Variants in PCCA observed in about 807,000 individuals in gnomAD.
PCCA encodes the protein propionyl-CoA carboxylase subunit alpha, also known as propionyl-CoA carboxylase alpha chain, mitochondrial.
A neutral mutation model predicts 101.3 loss-of-function variants in PCCA; 74 were observed. The ratio of observed to expected loss-of-function variants is 0.73; its 90% CI spans 0.61 to 0.89. The LOEUF (loss-of-function observed/expected upper bound fraction) is 0.89. Among genes scored for constraint, PCCA ranks in the 40% least tolerant of loss-of-function variants. The pLI is 0.00. For synonymous variants in PCCA, 294 were observed against 313.6 expected (o/e 0.94, Z 0.66); for missense variants, 891 against 907.0 (o/e 0.98, Z 0.23).
chr13:100,146,596 ATAGT>A (rs1594358810), intron 4 of PCCA, among the ~76,000 whole-genome samples: 1 of 152,000 alleles, frequency 6.6e-6, no homozygotes, highest in Non-Finnish European at 1.5e-5. Context: ...AAAATGGTTA[ATAGT>A]TAGAAGAAAT....
intron 19 of PCCA, among the ~76,000 whole-genome samples, chr13:100,396,222 G>T (rs1364065104): frequency 6.6e-6 from 1 of 152,150 alleles, no homozygotes; most frequent in African/African-American, 2.4e-5. Flanking sequence ...CAAGGGTCAC[G>T]AGGCAGGTGG....
chr13:100,503,446 C>T (rs928223681), intron 21 of PCCA, among the ~76,000 whole-genome samples: 7 of 152,074 alleles, frequency 4.6e-5, no homozygotes, highest in African/African-American at 1.4e-4. Flanking sequence ...GCCGAGGTTG[C>T]GCCATTGCAC....
At chr13:100,194,757 A>C (rs1202014149) in intron 6 of PCCA, among the ~76,000 whole-genome samples, 1 of 152,144 alleles carries the variant, frequency 6.6e-6, no homozygotes, top group Non-Finnish European at 1.5e-5. Context: ...CGGACTAAAC[A>C]AAAGATCTCT....
chr13:100,279,999 T>C (rs565102714), intron 12 of PCCA, among the ~76,000 whole-genome samples: 1 of 70,762 alleles, frequency 1.4e-5, no homozygotes, highest in East Asian at 4.6e-4. Flanking sequence ...AACTGTGTTT[T>C]GTTTTTGTTT....
rs369706330 is a variant in PCCA at position 100,384,629 on chromosome 13, T to C, written c.1746+16055T>C. 1.1e-3 allele frequency among the ~76,000 whole-genome samples: 166 copies of C among 152,320 alleles called. 6 individuals are homozygous for C. In the South Asian group the frequency reaches 0.031, roughly 29 times the overall value. On this transcript the variant is annotated intron_variant, in intron 19 of 23. Transcript: ENST00000376285. ...TTTAAAGAGTTAATTTTGGAACATC[T>C]TTTGTTCAAAAAATAGAACATTATT...
chr13:100,194,577 C>A (rs1449520144), intron 6 of PCCA, among the ~76,000 whole-genome samples: 1 of 152,046 alleles, frequency 6.6e-6, no homozygotes, highest in Non-Finnish European at 1.5e-5. Flanking sequence ...GCCACCACAC[C>A]CAGCTAATTT....
intron 7 of PCCA, among the ~76,000 whole-genome samples, chr13:100,211,539 A>C (rs749880999): frequency 1.3e-5 from 2 of 151,988 alleles, no homozygotes; most frequent in Non-Finnish European, 2.9e-5. Flanking sequence ...CACATTACTC[A>C]GTTCTAGTTT....
At chr13:100,464,403 C>T (rs1013835244) in intron 21 of PCCA, 13 of 152,106 alleles carry the variant, frequency 8.5e-5, no homozygotes, top group African/African-American at 9.7e-5. Flanking sequence ...AAAAAGAAAA[C>T]GTTTGTAAAA....
chr13:100,261,498 T>G (rs995160921), intron 9 of PCCA, among the ~76,000 whole-genome samples: 1 of 152,110 alleles, frequency 6.6e-6, no homozygotes, highest in African/African-American at 2.4e-5. Flanking sequence ...CCTGAGTAGC[T>G]GGGACTACAG....
intron 10 of PCCA, among the ~76,000 whole-genome samples, chr13:100,266,161 G>A (rs989055947): frequency 1.3e-5 from 2 of 152,156 alleles, no homozygotes; most frequent in African/African-American, 2.4e-5. Context: ...CACTTAGGTA[G>A]GCTGTTTTAT....
chr13:100,513,748 A>G (rs915609206), intron 21 of PCCA, among the ~76,000 whole-genome samples: 2 of 152,352 alleles, frequency 1.3e-5, no homozygotes, highest in East Asian at 3.9e-4. Context: ...CAAGAAAAAA[A>G]TAGATCTGTG....
chr13:100,249,602 T>C (rs1268692425), intron 8 of PCCA, among the ~76,000 whole-genome samples: 1 of 152,210 alleles, frequency 6.6e-6, no homozygotes, highest in African/African-American at 2.4e-5. Flanking sequence ...AGTTTGTGGA[T>C]ATCTACAAAA....
chr13:100,194,601 A>G (rs1461088377), intron 6 of PCCA, among the ~76,000 whole-genome samples: 1 of 151,754 alleles, frequency 6.6e-6, no homozygotes, highest in Non-Finnish European at 1.5e-5. Context: ...TTGTATTTTT[A>G]TTAGAGACGG....
At chr13:100,156,234 A>G (rs1347015172) in intron 5 of PCCA, among the ~76,000 whole-genome samples, 1 of 151,922 alleles carries the variant, frequency 6.6e-6, no homozygotes, top group Non-Finnish European at 1.5e-5. Context: ...ATGCCCAGCT[A>G]ATTTTGTATT....
At chr13:100,247,296 C>T (rs377289280) in intron 8 of PCCA, among the ~76,000 whole-genome samples, 1 of 148,448 alleles carries the variant, frequency 6.7e-6, no homozygotes, top group East Asian at 2.0e-4. Context: ...CGGCTCACTG[C>T]AAGCTCCCCT....
At chr13:100,100,104 A>C (rs2047138034) in intron 1 of PCCA, among the ~76,000 whole-genome samples, 1 of 152,152 alleles carries the variant, frequency 6.6e-6, no homozygotes, top group South Asian at 2.1e-4. Flanking sequence ...TGATCCTTTT[A>C]ATAACTCCCT....
intron 4 of PCCA, among the ~76,000 whole-genome samples, chr13:100,153,442 T>C (rs556436993): frequency 6.6e-6 from 1 of 152,350 alleles, no homozygotes; most frequent in Non-Finnish European, 1.5e-5. Context: ...TAATAGGTGG[T>C]ATCTGAGGAC....
At chr13:100,259,329 G>GTTT (rs5806157) in intron 9 of PCCA, among the ~76,000 whole-genome samples, 77 of 65,322 alleles carry the variant, frequency 1.2e-3, no homozygotes, top group African/African-American at 3.6e-3. Flanking sequence ...AAATGTAATG[G>GTTT]TTTTTTTTTT....
intron 21 of PCCA, among the ~76,000 whole-genome samples, chr13:100,502,409 C>T (rs535326714): frequency 1.3e-5 from 2 of 152,208 alleles, no homozygotes; most frequent in East Asian, 1.9e-4. Flanking sequence ...GAGAGCAGAG[C>T]GGCACAGAAT....
Sources: gnomAD v4.1 joint callset for allele counts (sites outside exome capture counted in the v4.1 genomes callset) on GRCh38, gnomAD v4.1.1 for gene constraint, MANE v1.5 for transcripts, NCBI Gene and HGNC (gene_info 2026-07-23, HGNC 2026-07-21) for gene names.